The following TDRD9 variants were observed in gnomAD, a reference collection of about 807,000 sequenced individuals.
TDRD9 encodes the protein ATP-dependent RNA helicase TDRD9.
In TDRD9, 124 loss-of-function variants were observed where a neutral mutation model predicts 172.6. The observed-to-expected ratio is 0.72, with a 90% CI of 0.62 to 0.83. TDRD9 has a LOEUF of 0.83. Among genes scored for constraint, TDRD9 ranks in the 40% least tolerant of loss-of-function variants. The probability of loss-of-function intolerance (pLI) is 0.00; values close to 1 mark genes in which losing one functional copy is unlikely to be tolerated. For missense variants in TDRD9, 1,479 were observed against 1,714.1 expected, an observed-to-expected ratio of 0.86 and a Z score of 2.42; for synonymous variants, 619 against 617.1, an observed-to-expected ratio of 1.00 and a Z score of -0.05.
At chr14:104,046,010 A>G (rs1426206093) in intron 34 of TDRD9, among the ~76,000 whole-genome samples, 6 of 152,082 alleles carry the variant, frequency 3.9e-5, no homozygotes, top group African/African-American at 9.7e-5. Flanking sequence ...AGGCTGGAGT[A>G]CAGTGGTGCA....
chr14:103,940,755 A>T, intron 1 of TDRD9: 2 of 1,229,296 alleles, frequency 1.6e-6, no homozygotes, highest in Admixed American at 2.3e-5. Context: ...TCTTATTCTT[A>T]ATATTAGGAG....
chr14:103,943,551 G>C (rs546166523), intron 1 of TDRD9, among the ~76,000 whole-genome samples: 3 of 138,052 alleles, frequency 2.2e-5, no homozygotes, highest in Non-Finnish European at 4.6e-5. Flanking sequence ...AGGTCTCCCT[G>C]TGTTGCCCAG....
intron 20 of TDRD9, among the ~76,000 whole-genome samples, chr14:104,013,485 GCA>G (rs1415144721): frequency 6.6e-6 from 1 of 152,170 alleles, no homozygotes; most frequent in Non-Finnish European, 1.5e-5. Context: ...CTCTGGGTGG[GCA>G]CAGTTATGCG....
In TDRD9 at chr14:104,022,202, C is replaced by T. The variant is rs749075208; in HGVS notation, c.2478C>T (p.Thr826=). Residue 826 remains threonine, a synonymous_variant, in exon 24 of 36, where the codon ACC becomes ACT. Transcript: ENST00000409874. The stretch of plus-strand genomic sequence containing the variant: ...GAAATCCAACAGAGAGATTTAAAAC[C>T]CTTCCTGCAGTATATATGGCAATTA... The part of the protein sequence containing the change: ...FSRNPTERFK[T]LPAVYMAIKM... 19 of 1,577,938 alleles carry T rather than the reference C, an allele frequency of 1.2e-5. No homozygotes were observed. The highest frequency in any genetic ancestry group is 1.9e-5 in the Admixed American group (1 of 53,434).
At chr14:104,003,574 T>C (rs1772405668) in intron 13 of TDRD9, among the ~76,000 whole-genome samples, 1 of 152,222 alleles carries the variant, frequency 6.6e-6, no homozygotes. Flanking sequence ...AGCTGCATTT[T>C]AAGACTCCCT....
intron 32 of TDRD9, among the ~76,000 whole-genome samples, chr14:104,039,626 C>T (rs1197319328): frequency 6.6e-6 from 1 of 152,198 alleles, no homozygotes; most frequent in African/African-American, 2.4e-5. Flanking sequence ...TGGCTTGGAC[C>T]AGGCTGTTGG....
chr14:104,051,054 A>G (rs1000271241), intron 35 of TDRD9, among the ~76,000 whole-genome samples: 17 of 152,160 alleles, frequency 1.1e-4, no homozygotes, highest in Admixed American at 9.2e-4. Flanking sequence ...TTGAGGTACA[A>G]TTAATCCCAT....
At chr14:103,983,476 C>T (rs1362562408) in intron 7 of TDRD9, among the ~76,000 whole-genome samples, 2 of 152,118 alleles carry the variant, frequency 1.3e-5, no homozygotes, top group African/African-American at 4.8e-5. Flanking sequence ...CTGAAGACTT[C>T]TTTTGATTTG....
intron 3 of TDRD9, 49 bp from the exon 4 acceptor site, chr14:103,965,284 T>G (rs1313956256): frequency 6.7e-7 from 1 of 1,495,756 alleles, no homozygotes; most frequent in Non-Finnish European, 9.1e-7. Context: ...AGGTGATACT[T>G]TACATTGCCA....
chr14:104,049,120 A>G (rs61997599), intron 34 of TDRD9, among the ~76,000 whole-genome samples: 1,051 of 101,950 alleles, frequency 0.01, 9 homozygotes, highest in African/African-American at 0.013. Flanking sequence ...GTATGTATGT[A>G]TGTGTGTGTG....
At chr14:104,010,586 C>G (rs1240635812) in intron 20 of TDRD9, among the ~76,000 whole-genome samples, 1 of 120,320 alleles carries the variant, frequency 8.3e-6, no homozygotes, top group African/African-American at 3.2e-5. Context: ...TTTTTTTTTG[C>G]TACTTCTTTC....
At chr14:104,047,035 C>T (rs1042038798) in intron 34 of TDRD9, among the ~76,000 whole-genome samples, 18 of 152,094 alleles carry the variant, frequency 1.2e-4, no homozygotes, top group Non-Finnish European at 2.6e-4. Context: ...TATAAAAATC[C>T]TTGTTGGAAT....
intron 9 of TDRD9, 145 bp downstream of exon 9, chr14:103,991,369 C>G (rs2033858364): frequency 3.5e-6 from 3 of 854,278 alleles, no homozygotes; most frequent in South Asian, 3.8e-5. Flanking sequence ...ATGTAACTTT[C>G]AGTTTGGCTT....
intron 34 of TDRD9, among the ~76,000 whole-genome samples, chr14:104,043,693 C>G (rs374757679): frequency 2.6e-5 from 4 of 152,252 alleles, no homozygotes; most frequent in South Asian, 2.1e-4. Context: ...GTAACTGTAT[C>G]CTGCCTTATT....
intron 1 of TDRD9, among the ~76,000 whole-genome samples, chr14:103,955,232 GTTT>G (rs1366064504): frequency 6.6e-6 from 1 of 152,130 alleles, no homozygotes; most frequent in Non-Finnish European, 1.5e-5. Flanking sequence ...GCTGTTTTAA[GTTT>G]TAATTAGCTG....
At chr14:103,947,061 A>G (rs1392857561) in intron 1 of TDRD9, among the ~76,000 whole-genome samples, 1 of 152,206 alleles carries the variant, frequency 6.6e-6, no homozygotes, top group Non-Finnish European at 1.5e-5. Flanking sequence ...TGGAATGTCA[A>G]GGAACCCTGA....
chr14:104,051,967 G>A lies in TDRD9; in HGVS notation c.4048-14G>A, dbSNP rs1236171365. The A allele has an allele frequency of 6.4e-7, 1 of 1,571,790 alleles. No individual in the cohort carries two copies. The highest frequency in any genetic ancestry group is 2.3e-5 in the East Asian group (1 of 42,940). ...GTCACAGAGCCTGACTGGTCCGCTT[G>A]TCTACCCCATTAGGTTGATCCAAAG... On this transcript the variant is annotated splice_polypyrimidine_tract_variant and intron_variant, in intron 35 of 35. Transcript: ENST00000409874.
rs898491676 is a variant in TDRD9 at position 104,035,099 on chromosome 14, C to A, written c.3716+43C>A. 1.2e-5 allele frequency: 18 copies of A among 1,501,920 alleles called. No homozygotes were observed. The African/African-American group carries it at 1.8e-4, about 15-fold the overall frequency. 93.0% of individuals were successfully genotyped at this position (1,501,920 alleles called of 1,614,324 possible). A position where few individuals can be genotyped will look rare whatever the true frequency, so the allele number is the denominator to read the frequency against. On this transcript the variant is annotated intron_variant, in intron 32 of 35. Transcript: ENST00000409874. ...GTCTATAGGCTTTGTAAAATAAGAA[C>A]CTGGGCGGGAAAAAACGGGTGCCTC...
rs1352161172 is a variant in TDRD9, at chr14:103,928,462, G to T, written c.-48G>T. On this transcript the variant is annotated 5_prime_UTR_variant, in exon 1 of 36. Transcript: ENST00000409874. ...TGCGCTTCCGCCGTCGCCTGTTCCC[G>T]CCGCGGAGACCCGGCAGTTGGGGGA... is the stretch of plus-strand genomic sequence containing the variant. 31 of 1,418,542 alleles carry T rather than the reference G, an allele frequency of 2.2e-5. No homozygotes were observed. The highest frequency in any genetic ancestry group is 2.9e-5 in the Non-Finnish European group (31 of 1,076,398). The allele number at this position is 1,418,542 out of a possible 1,614,324, so 87.9% of individuals were successfully genotyped here.
Sources: allele counts gnomAD v4.1 joint callset (sites outside exome capture counted in the v4.1 genomes callset), GRCh38; gene constraint gnomAD v4.1.1; transcripts MANE v1.5; gene names NCBI Gene and HGNC (gene_info 2026-07-23, HGNC 2026-07-21).